The following KIAA1958 variants were observed in gnomAD, a reference collection of about 807,000 sequenced individuals.
The protein encoded by KIAA1958 is uncharacterized protein KIAA1958.
KIAA1958 carries 14 observed loss-of-function variants against 47.2 expected under a neutral mutation model. The ratio of observed to expected loss-of-function variants is 0.30; its 90% CI spans 0.20 to 0.46. KIAA1958 has a LOEUF of 0.46. KIAA1958 is among the 20% of genes least tolerant of loss of function. KIAA1958 has a pLI of 1.00. For missense variants in KIAA1958, 803 were observed against 909.2 expected (o/e 0.88, Z 1.50); for synonymous variants, 354 against 353.3 (o/e 1.00, Z -0.02).
At chr9:112,587,474 A>C (rs1410482523) in intron 2 of KIAA1958, among the ~76,000 whole-genome samples, 1 of 152,206 alleles carries the variant, frequency 6.6e-6, no homozygotes, top group Non-Finnish European at 1.5e-5. Context: ...GAGCATGGCA[A>C]AAATGAAAAA....
At chr9:112,512,459 TA>T (rs372602591) in intron 1 of KIAA1958, among the ~76,000 whole-genome samples, 10 of 149,448 alleles carry the variant, frequency 6.7e-5, no homozygotes, top group East Asian at 1.9e-4. Flanking sequence ...TATTCCTGAT[TA>T]AAAAAAAAAC....
chr9:112,657,720 A>C lies in KIAA1958; in HGVS notation c.1345-1543A>C, dbSNP rs185977864. On this transcript the variant is annotated intron_variant, in intron 3 of 3. Transcript: ENST00000337530. ...ATGTATTCAGCTTGAATAGACCATG[A>C]GCAAGGGCTGGTTTGCCCTTCATAG... Among the ~76,000 whole-genome samples the C allele has an allele frequency of 1.0e-3, 156 of 152,296 alleles. 3 individuals carry two copies. The highest frequency in any genetic ancestry group is 6.2e-4 in the South Asian group (3 of 4,826).
chr9:112,616,219 G>T (rs1836406177), intron 2 of KIAA1958, among the ~76,000 whole-genome samples: 1 of 152,176 alleles, frequency 6.6e-6, no homozygotes, highest in Non-Finnish European at 1.5e-5. Flanking sequence ...AAGTGTATTG[G>T]AGCATAAAGC....
chr9:112,498,928 A>G (rs1834089315), intron 1 of KIAA1958, among the ~76,000 whole-genome samples: 1 of 152,180 alleles, frequency 6.6e-6, no homozygotes, highest in African/African-American at 2.4e-5. Flanking sequence ...TAACACACAC[A>G]GTTCTACTCT....
chr9:112,640,705 C>G (rs545182523), intron 2 of KIAA1958, among the ~76,000 whole-genome samples: 1 of 152,250 alleles, frequency 6.6e-6, no homozygotes, highest in East Asian at 1.9e-4. Context: ...TCCCTTCTTT[C>G]TGTAATTTTT....
intron 2 of KIAA1958, among the ~76,000 whole-genome samples, chr9:112,627,807 A>G (rs1309473679): frequency 6.6e-6 from 1 of 152,198 alleles, no homozygotes; most frequent in African/African-American, 2.4e-5. Flanking sequence ...ATTAAGAACC[A>G]TTGAAACCTC....
chr9:112,548,747 A>G (rs1484944032), intron 1 of KIAA1958, among the ~76,000 whole-genome samples: 1 of 152,206 alleles, frequency 6.6e-6, no homozygotes, highest in African/African-American at 2.4e-5. Context: ...TGTTTTTCCA[A>G]ATATTTCTCA....
chr9:112,529,486 T>C lies in KIAA1958; in HGVS notation c.-25+42368T>C, dbSNP rs569731213. On this transcript the variant is annotated intron_variant, in intron 1 of 3. Coordinates refer to ENST00000337530, the MANE Select transcript of KIAA1958 (RefSeq NM_133465.4). ...CTTAGGATCCTCTGAGCTGTGGCAG[T>C]TTTTCAGACTTTCTTTGTTTTTGAT... Among the ~76,000 whole-genome samples, 4 of 152,310 alleles carry C rather than the reference T, an allele frequency of 2.6e-5. No homozygotes were observed. In the East Asian group the frequency reaches 5.8e-4, roughly 22 times the overall value.
chr9:112,661,318 C>T lies in KIAA1958; in HGVS notation c.*1249C>T, dbSNP rs943048631. 3 of 152,106 alleles carry T rather than the reference C, an allele frequency of 2.0e-5. No homozygotes were observed. The highest frequency in any genetic ancestry group is 2.9e-5 in the Non-Finnish European group (2 of 68,018). The allele number at this position is 152,106 out of a possible 1,614,324, so 9.4% of individuals were successfully genotyped here. A position where few individuals can be genotyped will look rare whatever the true frequency, so the allele number is the denominator to read the frequency against. On this transcript the variant is annotated 3_prime_UTR_variant, in exon 4 of 4. Coordinates refer to ENST00000337530, the MANE Select transcript of KIAA1958 (RefSeq NM_133465.4). ...CCTGACCACATTATTTAAAAATCAG[C>T]AGAATTTTCTAATAACTACTCTGAG...
At chr9:112,495,488 G>A (rs138385897) in intron 1 of KIAA1958, among the ~76,000 whole-genome samples, 327 of 152,292 alleles carry the variant, frequency 2.1e-3, no homozygotes, top group African/African-American at 7.5e-3. Context: ...ACACTCACTA[G>A]AATGGCTAAA....
intron 2 of KIAA1958, among the ~76,000 whole-genome samples, chr9:112,643,594 GTTTCCAGCA>G (rs2131241309): frequency 6.6e-6 from 1 of 152,318 alleles, no homozygotes; most frequent in African/African-American, 2.4e-5. Context: ...GCTTCAGATA[GTTTCCAGCA>G]TTTTTTCTTC....
chr9:112,502,302 C>G (rs544082134), intron 1 of KIAA1958, among the ~76,000 whole-genome samples: 1 of 152,284 alleles, frequency 6.6e-6, no homozygotes, highest in Admixed American at 6.5e-5. Context: ...TGTGCTTCTC[C>G]CAGTATATCT....
At chr9:112,550,774 A>T (rs181975741) in intron 1 of KIAA1958, among the ~76,000 whole-genome samples, 1 of 152,170 alleles carries the variant, frequency 6.6e-6, no homozygotes, top group Non-Finnish European at 1.5e-5. Flanking sequence ...TTTGTCAGTC[A>T]TGTAAACTTG....
intron 1 of KIAA1958, among the ~76,000 whole-genome samples, chr9:112,548,016 T>C (rs1471352002): frequency 1.4e-5 from 2 of 147,946 alleles, no homozygotes; most frequent in Non-Finnish European, 3.0e-5. Flanking sequence ...TTTTTTTTTT[T>C]TTTTTTTTTG....
chr9:112,492,024 C>T (rs1483536236), intron 1 of KIAA1958, among the ~76,000 whole-genome samples: 2 of 152,006 alleles, frequency 1.3e-5, no homozygotes, highest in Non-Finnish European at 2.9e-5. Context: ...AAGCTCTATC[C>T]TTTTTTCTGT....
intron 2 of KIAA1958, among the ~76,000 whole-genome samples, chr9:112,625,068 G>C (rs1048550562): frequency 6.6e-6 from 1 of 152,174 alleles, no homozygotes; most frequent in African/African-American, 2.4e-5. Context: ...CTGAGCTGCT[G>C]TTCCCTCTGG....
intron 1 of KIAA1958, among the ~76,000 whole-genome samples, chr9:112,488,860 A>AT (rs1833914447): frequency 6.6e-6 from 1 of 152,198 alleles, no homozygotes; most frequent in Non-Finnish European, 1.5e-5. Flanking sequence ...ATTTATCTAG[A>AT]TTCTTGTCCC....
At chr9:112,545,276 T>C (rs1835008257) in intron 1 of KIAA1958, among the ~76,000 whole-genome samples, 2 of 152,216 alleles carry the variant, frequency 1.3e-5, no homozygotes, top group African/African-American at 4.8e-5. Context: ...AGTATAATAC[T>C]GTGGGTCATT....
At chr9:112,552,139 G>T (rs1304078479) in intron 1 of KIAA1958, among the ~76,000 whole-genome samples, 1 of 152,168 alleles carries the variant, frequency 6.6e-6, no homozygotes, top group Non-Finnish European at 1.5e-5. Flanking sequence ...TGAACATCTG[G>T]ACCACGAGGA....
Sources: allele counts gnomAD v4.1 joint callset (sites outside exome capture counted in the v4.1 genomes callset), GRCh38; gene constraint gnomAD v4.1.1; transcripts MANE v1.5; gene names NCBI Gene and HGNC (gene_info 2026-07-23, HGNC 2026-07-21).